Variants in BIN1 observed in about 807,000 individuals in gnomAD.
BIN1 encodes the protein myc box-dependent-interacting protein 1.
A neutral mutation model predicts 82.0 loss-of-function variants in BIN1; 53 were observed. That is an observed-to-expected ratio of 0.65 (90% CI 0.52 to 0.81). The LOEUF is 0.81. BIN1 is among the 40% of genes least tolerant of loss of function. The pLI is 0.00. For missense variants in BIN1, 642 were observed against 784.4 expected, an observed-to-expected ratio of 0.82 and a Z score of 2.17; for synonymous variants, 302 against 328.0, an observed-to-expected ratio of 0.92 and a Z score of 0.86.
chr2:127,081,687 G>C lies in BIN1; in HGVS notation c.85-4981C>G, dbSNP rs113741343. On this transcript the variant is annotated intron_variant, in intron 1 of 18. Coordinates refer to ENST00000316724, the MANE Select transcript of BIN1 (RefSeq NM_139343.3). ...CTAGGGGCTCCTCCACCAGCCAGCGGCACCCCTCGTCCCTGCAGTGGCAGC... is the reference window on the plus strand; with the variant it reads ...CTAGGGGCTCCTCCACCAGCCAGCGCCACCCCTCGTCCCTGCAGTGGCAGC... The C allele has an allele frequency of 0.043, 38,130 of 887,834 alleles. 998 individuals are homozygous for C. The highest frequency in any genetic ancestry group is 0.05 in the Non-Finnish European group (33,804 of 674,660). The allele number at this position is 887,834 out of a possible 1,614,324, so 55.0% of individuals were successfully genotyped here.
At chr2:127,053,061 C>A (rs771562976) in intron 14 of BIN1, 7 of 380,830 alleles carry the variant, frequency 1.8e-5, no homozygotes, top group South Asian at 1.0e-4. Context: ...GAACCTTCTA[C>A]CCTGAGGCCC....
In BIN1 at chr2:127,048,472, A is replaced by T; in HGVS notation, c.*54T>A. On this transcript the variant is annotated 3_prime_UTR_variant, in exon 19 of 19. Transcript: ENST00000316724. ...AACAAAACAAAAAAAAGAACCACAC[A>T]TTTTTCGGGAGGAGGTGTTCTTCAC... 3 of 1,521,442 alleles carry T rather than the reference A, an allele frequency of 2.0e-6. No individual in the cohort carries two copies. Among genetic ancestry groups the T allele is most frequent in the Non-Finnish European group, 2.7e-6 (3 of 1,098,248 alleles). The allele number at this position is 1,521,442 out of a possible 1,614,324, so 94.2% of individuals were successfully genotyped here. A position where few individuals can be genotyped will look rare whatever the true frequency, so the allele number is the denominator to read the frequency against.
intron 1 of BIN1, among the ~76,000 whole-genome samples, chr2:127,078,719 C>A: frequency 6.6e-6 from 1 of 152,164 alleles, no homozygotes; most frequent in East Asian, 1.9e-4. Context: ...TTGCAGGCTC[C>A]CCACTGCTGC....
chr2:127,107,002 C>G lies in BIN1; in HGVS notation c.-59G>C. The G allele has an allele frequency of 6.5e-7, 1 of 1,538,124 alleles. No individual in the cohort carries two copies. The highest frequency in any genetic ancestry group is 8.7e-7 in the Non-Finnish European group (1 of 1,144,916). ...CTCTCGCGCGGGGAGATCTTGCGCGCCGCGCTCCCAGCCCCCAGCCCCGGC... is the reference window on the plus strand; with the variant it reads ...CTCTCGCGCGGGGAGATCTTGCGCGGCGCGCTCCCAGCCCCCAGCCCCGGC... On this transcript the variant is annotated 5_prime_UTR_variant, in exon 1 of 19. Coordinates refer to ENST00000316724, the MANE Select transcript of BIN1 (RefSeq NM_139343.3). The surrounding 1 kb of genome is among the most constrained non-coding windows in gnomAD (Gnocchi z 5.9).
chr2:127,077,335 CACA>C (rs985804574), intron 1 of BIN1, among the ~76,000 whole-genome samples: 2 of 150,498 alleles, frequency 1.3e-5, no homozygotes, highest in South Asian at 4.3e-4. Flanking sequence ...CACACACACA[CACA>C]AAACACACAA....
At chr2:127,065,475 C>T (rs907822940) in intron 7 of BIN1, among the ~76,000 whole-genome samples, 1 of 152,166 alleles carries the variant, frequency 6.6e-6, no homozygotes, top group African/African-American at 2.4e-5. Context: ...GGGGGGCTGC[C>T]AACCATGGTT....
intron 7 of BIN1, chr2:127,064,647 G>C (rs1465710551): frequency 5.7e-6 from 1 of 176,100 alleles, no homozygotes; most frequent in Non-Finnish European, 1.2e-5. Context: ...AGGAATGTCA[G>C]GGGGACCCTA....
chr2:127,079,271 C>T (rs1679383553), intron 1 of BIN1, among the ~76,000 whole-genome samples: 3 of 152,222 alleles, frequency 2.0e-5, no homozygotes, highest in Admixed American at 1.3e-4. Flanking sequence ...GGGACAGCTA[C>T]TCTCTGAGCC....
intron 15 of BIN1, among the ~76,000 whole-genome samples, chr2:127,051,800 C>T (rs542157165): frequency 7.9e-5 from 12 of 152,300 alleles, no homozygotes; most frequent in Middle Eastern, 6.8e-3. Context: ...CACGGCAGGC[C>T]CTGCAGGAAC....
At chr2:127,094,025 G>A (rs192447733) in intron 1 of BIN1, among the ~76,000 whole-genome samples, 243 of 152,242 alleles carry the variant, frequency 1.6e-3, no homozygotes, top group African/African-American at 5.8e-3. Flanking sequence ...CCTGGAGCAG[G>A]GCTGGTCCAC....
chr2:127,084,550 C>T (rs979766532), intron 1 of BIN1, among the ~76,000 whole-genome samples: 3 of 152,226 alleles, frequency 2.0e-5, no homozygotes, highest in South Asian at 2.1e-4. Flanking sequence ...TGATTTCCTT[C>T]GGTGGAGAGG....
At chr2:127,085,431 T>G (rs949870682) in intron 1 of BIN1, among the ~76,000 whole-genome samples, 9 of 152,016 alleles carry the variant, frequency 5.9e-5, no homozygotes, top group South Asian at 2.1e-4. Flanking sequence ...AGCTCGGCCA[T>G]GTACATGCAG....
intron 1 of BIN1, among the ~76,000 whole-genome samples, chr2:127,101,773 GC>G (rs1421028447): frequency 1.3e-5 from 2 of 152,102 alleles, no homozygotes; most frequent in African/African-American, 2.4e-5. Context: ...TGATTCCCAA[GC>G]CCAAACCCTC....
At chr2:127,106,247 G>A (rs903655451) in intron 1 of BIN1, among the ~76,000 whole-genome samples, 8 of 152,242 alleles carry the variant, frequency 5.3e-5, no homozygotes, top group Non-Finnish European at 5.9e-5. Context: ...GCTCCCGGTG[G>A]GGCCGGGCTG....
At chr2:127,063,902 C>CA (rs771397573) in intron 8 of BIN1, 31 bp downstream of exon 8, 1 of 1,612,596 alleles carries the variant, frequency 6.2e-7, no homozygotes, top group South Asian at 1.1e-5. Context: ...GACACTGCCC[C>CA]ACGCAGGCTG....
rs1041109787 is a variant in BIN1, at chr2:127,059,920, G to A, written c.858-765C>T. Reference sequence around the variant, plus strand: ...CGCCTAGAAAAGTGCTGCCCAGTACGGTTGCCACTAGCCACAGGCGGCAAT... The same window carrying A: ...CGCCTAGAAAAGTGCTGCCCAGTACAGTTGCCACTAGCCACAGGCGGCAAT... On this transcript the variant is annotated intron_variant, in intron 10 of 18. Coordinates refer to ENST00000316724, the MANE Select transcript of BIN1 (RefSeq NM_139343.3). This position sits in a 1 kb window ranked among gnomAD's most constrained non-coding sequence, Gnocchi z 6.7. Among the ~76,000 whole-genome samples the A allele has an allele frequency of 1.1e-4, 17 of 152,258 alleles. No homozygotes were observed. Among genetic ancestry groups the A allele is most frequent in the East Asian group, 3.9e-4 (2 of 5,180 alleles).
chr2:127,073,683 G>A (rs1686224767), intron 2 of BIN1, among the ~76,000 whole-genome samples: 1 of 152,214 alleles, frequency 6.6e-6, no homozygotes, highest in South Asian at 2.1e-4. Context: ...AGTCAGGGAT[G>A]CCCATTTTGA....
At chr2:127,105,854 C>A (rs1681048458) in intron 1 of BIN1, among the ~76,000 whole-genome samples, 1 of 152,252 alleles carries the variant, frequency 6.6e-6, no homozygotes, top group African/African-American at 2.4e-5. Flanking sequence ...GGGGGCCACC[C>A]TGGCAGAAAC....
At chr2:127,092,532 ACAC>A (rs1451341557) in intron 1 of BIN1, among the ~76,000 whole-genome samples, 1 of 152,108 alleles carries the variant, frequency 6.6e-6, no homozygotes, top group Admixed American at 6.5e-5. Flanking sequence ...AAGGCCCCAA[ACAC>A]CTGCCCGCAG....
Sources: gnomAD v4.1 joint callset for allele counts (sites outside exome capture counted in the v4.1 genomes callset) on GRCh38, gnomAD v4.1.1 for gene constraint, Gnocchi (gnomAD v3.1) non-coding constraint, MANE v1.5 for transcripts, NCBI Gene and HGNC (gene_info 2026-07-23, HGNC 2026-07-21) for gene names.